The following PCYOX1 variants were observed in gnomAD, a reference collection of about 807,000 sequenced individuals.
PCYOX1 encodes the protein prenylcysteine lyase.
A neutral mutation model predicts 46.4 loss-of-function variants in PCYOX1; 46 were observed. The observed-to-expected ratio is 0.99, with a 90% CI of 0.78 to 1.27. The LOEUF is 1.27. Among genes scored for constraint, PCYOX1 ranks in the 50% most tolerant of loss-of-function variants. PCYOX1 has a pLI of 0.00. For synonymous variants in PCYOX1, 220 were observed against 231.8 expected, an observed-to-expected ratio of 0.95 and a Z score of 0.46; for missense variants, 658 against 628.3, an observed-to-expected ratio of 1.05 and a Z score of -0.51.
At chr2:70,272,152 A>C (rs984638017) in intron 3 of PCYOX1, among the ~76,000 whole-genome samples, 1 of 116,466 alleles carries the variant, frequency 8.6e-6, no homozygotes, top group Non-Finnish European at 1.7e-5. Flanking sequence ...TTTGAGAGGG[A>C]GTTTCACTCT....
intron 3 of PCYOX1, among the ~76,000 whole-genome samples, chr2:70,262,147 A>G (rs1183256918): frequency 2.6e-5 from 4 of 152,078 alleles, no homozygotes; most frequent in Non-Finnish European, 5.9e-5. Context: ...AGCTGTTGGC[A>G]TGTTCTAGTT....
rs1042525657 is a variant in PCYOX1 at position 70,280,453 on chromosome 2, G to C, written c.*3061G>C. 3.4e-4 allele frequency: 52 copies of C among 152,242 alleles called. No individual in the cohort carries two copies. Among genetic ancestry groups the C allele is most frequent in the African/African-American group, 1.0e-3 (43 of 41,534 alleles). 9.4% of individuals were successfully genotyped at this position (152,242 alleles called of 1,614,324 possible). ...TCCAGTGGCTCTCTGAGTTGAGCAT[G>C]CATCAGTTACCTTAAGGGCTTGTTA... On this transcript the variant is annotated 3_prime_UTR_variant, in exon 6 of 6. Coordinates refer to ENST00000433351, the MANE Select transcript of PCYOX1 (RefSeq NM_016297.4).
chr2:70,272,765 C>T (rs1313818137), intron 3 of PCYOX1, among the ~76,000 whole-genome samples: 2 of 151,950 alleles, frequency 1.3e-5, no homozygotes, highest in Non-Finnish European at 2.9e-5. Flanking sequence ...GTGGTGTGAT[C>T]TTGACTTACT....
At chr2:70,267,746 C>G (rs1559035520) in intron 3 of PCYOX1, among the ~76,000 whole-genome samples, 1 of 151,630 alleles carries the variant, frequency 6.6e-6, no homozygotes, top group Non-Finnish European at 1.5e-5. Flanking sequence ...GCAGTACAGT[C>G]CAGCCTTGGC....
At chr2:70,268,812 G>A (rs1696563116) in intron 3 of PCYOX1, among the ~76,000 whole-genome samples, 1 of 151,716 alleles carries the variant, frequency 6.6e-6, no homozygotes, top group African/African-American at 2.4e-5. Context: ...AAAAAAATTG[G>A]GACACAGAAG....
In PCYOX1 at chr2:70,263,258, G is replaced by C. The variant is rs1202359259; in HGVS notation, c.494+1872G>C. 2.0e-5 allele frequency among the ~76,000 whole-genome samples: 3 copies of C among 151,758 alleles called. No homozygotes were observed. The South Asian group carries it at 6.2e-4, about 32-fold the overall frequency. On this transcript the variant is annotated intron_variant, in intron 3 of 5. Transcript: ENST00000433351. ...AAAAAAAAAAAAGAAAGCTAAGCAGGATATGCTCTGGTTTCTATAACTCAT... is the reference window on the plus strand; with the variant it reads ...AAAAAAAAAAAAGAAAGCTAAGCAGCATATGCTCTGGTTTCTATAACTCAT...
At position 70,276,801 on chromosome 2, in the gene PCYOX1, C is replaced by T; in HGVS notation, c.927C>T (p.Asp309=). The T allele has an allele frequency of 6.2e-7, 1 of 1,612,380 alleles. No individual in the cohort carries two copies. The highest frequency in any genetic ancestry group is 8.5e-7 in the Non-Finnish European group (1 of 1,178,524). ...IGTETRSDFY[D]IVLVATPLNR... ...CTGAGACTCGTTCAGACTTCTATGA[C>T]ATCGTCTTGGTGGCCACTCCGTTGA... Residue 309 remains aspartate (D), a synonymous_variant, in exon 6 of 6, where the codon GAC becomes GAT. Transcript: ENST00000433351.
At chr2:70,263,446 T>A (rs984195978) in intron 3 of PCYOX1, among the ~76,000 whole-genome samples, 9 of 152,194 alleles carry the variant, frequency 5.9e-5, no homozygotes, top group African/African-American at 2.2e-4. Flanking sequence ...GGCATTGTTC[T>A]ATGTTGAGAG....
intron 3 of PCYOX1, among the ~76,000 whole-genome samples, chr2:70,267,030 G>C (rs1312083383): frequency 4.0e-5 from 6 of 151,816 alleles, no homozygotes; most frequent in Admixed American, 3.9e-4. Context: ...TCACTTCCCA[G>C]ACAGGGCGGC....
intron 3 of PCYOX1, among the ~76,000 whole-genome samples, chr2:70,262,976 C>T (rs1205095806): frequency 2.0e-5 from 3 of 152,036 alleles, no homozygotes; most frequent in Non-Finnish European, 4.4e-5. Context: ...GCTTATGCCT[C>T]TAATCCCAGA....
At position 70,279,282 on chromosome 2, in the gene PCYOX1, G is replaced by A. The variant is rs1696730216; in HGVS notation, c.*1890G>A. 1 of 152,080 alleles carries A rather than the reference G, an allele frequency of 6.6e-6. No individual in the cohort carries two copies. Among genetic ancestry groups the A allele is most frequent in the South Asian group, 2.1e-4 (1 of 4,834 alleles). 9.4% of individuals were successfully genotyped at this position (152,080 alleles called of 1,614,324 possible). On this transcript the variant is annotated 3_prime_UTR_variant, in exon 6 of 6. Transcript: ENST00000433351. The stretch of plus-strand genomic sequence containing the variant: ...TTGATAGGTAGGGGATTAAACTCAT[G>A]GTTTGTCAAAAGAGTGTTTTTTTCT...
intron 3 of PCYOX1, among the ~76,000 whole-genome samples, chr2:70,265,233 T>C (rs1696497159): frequency 1.3e-5 from 2 of 149,328 alleles, no homozygotes; most frequent in Non-Finnish European, 3.0e-5. Flanking sequence ...GACCAAGTCT[T>C]GCTCCGTCAC....
chr2:70,276,657 A>G, intron 5 of PCYOX1, 77 bp from the exon 6 acceptor site: 1 of 796,228 alleles, frequency 1.3e-6, no homozygotes, highest in East Asian at 2.6e-5. Context: ...TAGAGAAATT[A>G]TGAAGAAGGT....
chr2:70,258,090 G>C, upstream of PCYOX1: 1 of 1,266,654 alleles, frequency 7.9e-7, no homozygotes, highest in Admixed American at 2.2e-5. Flanking sequence ...GGGCGGGGCT[G>C]GGCGGAGCGC....
At position 70,277,184 on chromosome 2, in the gene PCYOX1, C is replaced by T. The variant is rs776722318; in HGVS notation, c.1310C>T (p.Pro437Leu). The T allele has an allele frequency of 6.2e-7, 1 of 1,613,980 alleles. No homozygotes were observed. Among genetic ancestry groups the T allele is most frequent in the Middle Eastern group, 1.6e-4 (1 of 6,062 alleles). ...YAVKKPWLAY[P>L]HYKPPEKCPS... ...GTGAAGAAGCCATGGCTTGCATATC[C>T]TCACTATAAGCCCCCGGAGAAATGC... is the stretch of plus-strand genomic sequence containing the variant. The change falls in exon 6 of 6, where the codon CCT (proline) becomes CTT (leucine). Residue 437 changes from proline to leucine, a missense_variant. Physicochemically the swap from Pro to Leu is moderately conservative, Grantham distance 98. Transcript: ENST00000433351.
chr2:70,268,254 A>G (rs1696555500), intron 3 of PCYOX1, among the ~76,000 whole-genome samples: 1 of 152,124 alleles, frequency 6.6e-6, no homozygotes, highest in Non-Finnish European at 1.5e-5. Flanking sequence ...AGTTCTTTAA[A>G]ATCTAAGGCT....
At chr2:70,258,136 T>C, upstream of PCYOX1, 1 of 1,548,026 alleles carries the variant, frequency 6.5e-7, no homozygotes, top group Non-Finnish European at 8.7e-7. Context: ...GCGGGGCTCT[T>C]GAGGCCAGCT....
Position 70,280,281 on chromosome 2 carries a change from G to A in PCYOX1, c.*2889G>A, listed in dbSNP as rs1226152043. 1.3e-5 allele frequency: 2 copies of A among 152,082 alleles called. No homozygotes were observed. The highest frequency in any genetic ancestry group is 2.9e-5 in the Non-Finnish European group (2 of 68,004). 9.4% of individuals were successfully genotyped at this position (152,082 alleles called of 1,614,324 possible). A position where few individuals can be genotyped will look rare whatever the true frequency, so the allele number is the denominator to read the frequency against. ...AAATCCTAGCAGAACCTGCTACTCT[G>A]GGCGCATTAGGTAGTTTTATGCAAC... On this transcript the variant is annotated 3_prime_UTR_variant, in exon 6 of 6. Transcript: ENST00000433351.
At position 70,277,261 on chromosome 2, in the gene PCYOX1, G is replaced by A. The variant is rs1481845240; in HGVS notation, c.1387G>A (p.Ala463Thr). Residue 463 changes from alanine to threonine, a missense_variant, in exon 6 of 6, where the codon GCA becomes ACA. Coordinates refer to ENST00000433351, the MANE Select transcript of PCYOX1 (RefSeq NM_016297.4). ...RLYYLNGIEC[A>T]ASAMEMSAIA... ...TTATTACCTCAATGGCATAGAGTGT[G>A]CAGCAAGTGCCATGGAGATGAGTGC... is the stretch of plus-strand genomic sequence containing the variant. The A allele has an allele frequency of 3.1e-6, 5 of 1,614,028 alleles. No homozygotes were observed. In the African/African-American group the frequency reaches 6.7e-5, roughly 22 times the overall value.
Sources: gnomAD v4.1 joint callset for allele counts (sites outside exome capture counted in the v4.1 genomes callset) on GRCh38, gnomAD v4.1.1 for gene constraint, MANE v1.5 for transcripts, NCBI Gene and HGNC (gene_info 2026-07-23, HGNC 2026-07-21) for gene names.